PAQR8: variants seen among roughly 807,000 people sequenced by gnomAD.
The protein encoded by PAQR8 is membrane progestin receptor beta.
Under a neutral mutation model 25.2 loss-of-function variants are expected in PAQR8, and 17 were observed. The observed-to-expected ratio is 0.67, with a 90% CI of 0.46 to 1.01. PAQR8 has a LOEUF of 1.01. PAQR8 is among the 50% of genes least tolerant of loss of function. The pLI is 0.00. For missense variants in PAQR8, 392 were observed against 448.4 expected, an observed-to-expected ratio of 0.87 and a Z score of 1.14; for synonymous variants, 204 against 190.6, an observed-to-expected ratio of 1.07 and a Z score of -0.58.
At chr6:52,380,310 AC>A (rs1404354901) in intron 1 of PAQR8, among the ~76,000 whole-genome samples, 1 of 152,142 alleles carries the variant, frequency 6.6e-6, no homozygotes, top group East Asian at 1.9e-4. Flanking sequence ...GCCAGGGTCC[AC>A]CCGTGGTATG....
chr6:52,364,085 T>TTTG (rs1763323651), intron 1 of PAQR8, among the ~76,000 whole-genome samples: 1 of 88,298 alleles, frequency 1.1e-5, no homozygotes, highest in Non-Finnish European at 2.2e-5. Flanking sequence ...AAAGATATGT[T>TTTG]TTTTTTTTTT....
rs576735942 is a variant in PAQR8, at chr6:52,383,967, G to T, written c.-52-19195G>T. ...TGGATGATCCAAAATCAGTCAGGAG[G>T]TTATCACCATTAGTGTAACTGGAAC... On this transcript the variant is annotated intron_variant, in intron 1 of 1. Coordinates refer to ENST00000442253, the MANE Select transcript of PAQR8 (RefSeq NM_133367.5). Among the ~76,000 whole-genome samples the T allele has an allele frequency of 2.6e-5, 4 of 152,254 alleles. No homozygotes were observed. In the East Asian group the frequency reaches 7.7e-4, roughly 29 times the overall value.
rs764642694 is a variant in PAQR8 at position 52,403,333 on chromosome 6, G to C, written c.120G>C (p.Thr40=). The C allele has an allele frequency of 3.0e-5, 48 of 1,614,128 alleles. No homozygotes were observed. The East Asian group carries it at 9.8e-4, about 33-fold the overall frequency. Residue 40 remains threonine, a synonymous_variant, in exon 2 of 2, where the codon ACG becomes ACC. Coordinates refer to ENST00000442253, the MANE Select transcript of PAQR8 (RefSeq NM_133367.5). The stretch of plus-strand genomic sequence containing the variant: ...AGATGCCTTGCACTGTCCCAGAAAC[G>C]GATGTGCCCCAGCTCTTCCGGGAGC... ...LPKMPCTVPE[T]DVPQLFREPY... is the part of the protein sequence containing the mutation.
At position 52,389,368 on chromosome 6, in the gene PAQR8, TA is replaced by T. The variant is rs558157215; in HGVS notation, c.-52-13791del. Among the ~76,000 whole-genome samples, 230 of 152,326 alleles carry T rather than the reference TA, an allele frequency of 1.5e-3. 1 individual carries two copies. The highest frequency in any genetic ancestry group is 5.4e-3 in the African/African-American group (225 of 41,572). On this transcript the variant is annotated intron_variant, in intron 1 of 1. Coordinates refer to ENST00000442253, the MANE Select transcript of PAQR8 (RefSeq NM_133367.5). The stretch of plus-strand genomic sequence containing the variant: ...TCCTCTGACTGTTTGCTGATAGAAA[TA>T]AAGCATAGGTAAGCCAGTGTTCCTG...
chr6:52,366,456 T>C (rs537014449), intron 1 of PAQR8, among the ~76,000 whole-genome samples: 5 of 152,360 alleles, frequency 3.3e-5, no homozygotes, highest in African/African-American at 1.2e-4. Flanking sequence ...CTACATGATA[T>C]TTTCCTTCAA....
At position 52,403,912 on chromosome 6, in the gene PAQR8, G is replaced by T. The variant is rs749932038; in HGVS notation, c.699G>T (p.Ala233=). The change falls in exon 2 of 2, where the codon GCG becomes GCT. Residue 233 remains alanine, a synonymous_variant. Coordinates refer to ENST00000442253, the MANE Select transcript of PAQR8 (RefSeq NM_133367.5). The stretch of plus-strand genomic sequence containing the variant: ...TCAGCCCTGTGGCACACCGTGTGGC[G>T]CTCTGTCACCTGGCTGGCTGCCAGG... ...LDISPVAHRV[A]LCHLAGCQEQ... 3 of 1,614,090 alleles carry T rather than the reference G, an allele frequency of 1.9e-6. No homozygotes were observed. The highest frequency in any genetic ancestry group is 2.5e-6 in the Non-Finnish European group (3 of 1,180,040).
At chr6:52,401,145 A>G (rs1310070734) in intron 1 of PAQR8, among the ~76,000 whole-genome samples, 1 of 152,134 alleles carries the variant, frequency 6.6e-6, no homozygotes, top group Non-Finnish European at 1.5e-5. Flanking sequence ...ACATTTTATT[A>G]ATTTTCATGC....
At chr6:52,395,765 C>T (rs1763760646) in intron 1 of PAQR8, among the ~76,000 whole-genome samples, 1 of 152,128 alleles carries the variant, frequency 6.6e-6, no homozygotes, top group African/African-American at 2.4e-5. Flanking sequence ...AGTACTATTC[C>T]ATTACTGACC....
At chr6:52,397,449 G>C (rs1763779418) in intron 1 of PAQR8, among the ~76,000 whole-genome samples, 1 of 152,136 alleles carries the variant, frequency 6.6e-6, no homozygotes, top group African/African-American at 2.4e-5. Flanking sequence ...CTCTTCTATA[G>C]ATCTATTTGT....
chr6:52,379,624 T>C lies in PAQR8; in HGVS notation c.-53+17375T>C, dbSNP rs1171750527. ...GTACCGCCACACCCAGCTTTCTTTT[T>C]TTTTTTTTTTTTTTTTTTTTGAGAT... On this transcript the variant is annotated intron_variant, in intron 1 of 1. Coordinates refer to ENST00000442253, the MANE Select transcript of PAQR8 (RefSeq NM_133367.5). 5.3e-5 allele frequency among the ~76,000 whole-genome samples: 7 copies of C among 131,678 alleles called. No homozygotes were observed. The South Asian group carries it at 1.0e-3, about 19-fold the overall frequency. The allele number at this position is 131,678 out of a possible 152,430, so 86.4% of individuals were successfully genotyped here. A position where few individuals can be genotyped will look rare whatever the true frequency, so the allele number is the denominator to read the frequency against.
Position 52,405,250 on chromosome 6 carries a change from AGG to A in PAQR8, c.*974_*975del, listed in dbSNP as rs2113954582. ...ATTAGTTGGTTCTAAGGATCCCTCTAGGGACCTCATTATTTCAAGAGGAACCC... is the reference window on the plus strand; with the variant it reads ...ATTAGTTGGTTCTAAGGATCCCTCTAGACCTCATTATTTCAAGAGGAACCC... On this transcript the variant is annotated 3_prime_UTR_variant, in exon 2 of 2. Transcript: ENST00000442253. 6.0e-6 allele frequency: 1 copy of A among 167,126 alleles called. No homozygotes were observed. Among genetic ancestry groups the A allele is most frequent in the South Asian group, 2.1e-4 (1 of 4,824 alleles). 10.4% of individuals were successfully genotyped at this position (167,126 alleles called of 1,614,324 possible). A position where few individuals can be genotyped will look rare whatever the true frequency, so the allele number is the denominator to read the frequency against.
intron 1 of PAQR8, among the ~76,000 whole-genome samples, chr6:52,397,876 A>C (rs919934618): frequency 2.0e-5 from 3 of 152,204 alleles, no homozygotes; most frequent in African/African-American, 7.2e-5. Flanking sequence ...GGAGGCTTCA[A>C]CATCATGATG....
In PAQR8 at chr6:52,406,667, A is replaced by T; in HGVS notation, c.*2389A>T. The T allele has an allele frequency of 2.5e-6, 1 of 405,704 alleles. No homozygotes were observed. 25.1% of individuals were successfully genotyped at this position (405,704 alleles called of 1,614,324 possible). A position where few individuals can be genotyped will look rare whatever the true frequency, so the allele number is the denominator to read the frequency against. ...AGCCTCGACCTCCCCAGCTCAAGCA[A>T]TCCTCCCACCTCAGCCTCCTAAGTA... On this transcript the variant is annotated 3_prime_UTR_variant, in exon 2 of 2. Transcript: ENST00000442253.
chr6:52,394,621 T>C (rs1470021378), intron 1 of PAQR8, among the ~76,000 whole-genome samples: 1 of 152,222 alleles, frequency 6.6e-6, no homozygotes, highest in African/African-American at 2.4e-5. Flanking sequence ...TACCCTACGG[T>C]GTCCTCTGTT....
chr6:52,378,519 G>A (rs779257645), intron 1 of PAQR8, among the ~76,000 whole-genome samples: 1 of 152,110 alleles, frequency 6.6e-6, no homozygotes, highest in Non-Finnish European at 1.5e-5. Flanking sequence ...TTGGCCAGGC[G>A]CGGTGGCTGA....
chr6:52,371,394 T>C (rs1234405497), intron 1 of PAQR8, among the ~76,000 whole-genome samples: 1 of 152,106 alleles, frequency 6.6e-6, no homozygotes, highest in Non-Finnish European at 1.5e-5. Context: ...ATTGGAGCAC[T>C]TTTTTTCTCC....
At chr6:52,391,214 T>C (rs9370113) in intron 1 of PAQR8, among the ~76,000 whole-genome samples, 16,112 of 152,278 alleles carry the variant, frequency 0.11, 1,131 homozygotes, top group Non-Finnish European at 0.15. Flanking sequence ...TTTTTGAGAA[T>C]GTACAATGTG....
At chr6:52,395,349 T>A (rs894128162) in intron 1 of PAQR8, among the ~76,000 whole-genome samples, 6 of 151,808 alleles carry the variant, frequency 4.0e-5, no homozygotes, top group African/African-American at 1.5e-4. Flanking sequence ...CACTTTCTTA[T>A]AAACATTAAG....
chr6:52,391,474 ATCGATGT>A (rs1175037225), intron 1 of PAQR8, among the ~76,000 whole-genome samples: 1 of 152,206 alleles, frequency 6.6e-6, no homozygotes, highest in Non-Finnish European at 1.5e-5. Context: ...GTGAATCTGA[ATCGATGT>A]TCAAATGATC....
Sources: allele counts gnomAD v4.1 joint callset (sites outside exome capture counted in the v4.1 genomes callset), GRCh38; gene constraint gnomAD v4.1.1; transcripts MANE v1.5; gene names NCBI Gene and HGNC (gene_info 2026-07-23, HGNC 2026-07-21).